Variants in NRXN1 observed in about 807,000 individuals in gnomAD.
The protein encoded by NRXN1 is neurexin-1.
Under a neutral mutation model 150.9 loss-of-function variants are expected in NRXN1, and 39 were observed. That is an observed-to-expected ratio of 0.26 (90% CI 0.20 to 0.34). The LOEUF is 0.34. Among genes scored for constraint, NRXN1 ranks in the 10% least tolerant of loss-of-function variants. The pLI is 1.00. For missense variants in NRXN1, 1,815 were observed against 1,949.9 expected (o/e 0.93, Z 1.30); for synonymous variants, 924 against 757.0 (o/e 1.22, Z -3.62).
At chr2:50,062,886 G>C (rs576366318) in intron 19 of NRXN1, among the ~76,000 whole-genome samples, 2 of 152,182 alleles carry the variant, frequency 1.3e-5, no homozygotes, top group African/African-American at 4.8e-5. Context: ...CCAAACATTT[G>C]TGCAGAATAA....
At chr2:50,607,566 G>C (rs544733310) in intron 8 of NRXN1, among the ~76,000 whole-genome samples, 1 of 152,154 alleles carries the variant, frequency 6.6e-6, no homozygotes, top group South Asian at 2.1e-4. Context: ...GCAAATTGTG[G>C]TAAGGTAAAA....
intron 5 of NRXN1, among the ~76,000 whole-genome samples, chr2:50,753,096 G>A (rs1176212118): frequency 6.6e-6 from 1 of 151,748 alleles, no homozygotes; most frequent in East Asian, 1.9e-4. Context: ...TAATCTTGGT[G>A]TTAATTTACT....
chr2:50,431,060 C>T (rs1315087287), intron 17 of NRXN1, among the ~76,000 whole-genome samples: 2 of 152,180 alleles, frequency 1.3e-5, no homozygotes, highest in African/African-American at 2.4e-5. Flanking sequence ...AACAAAGATG[C>T]CCATGCTTTT....
chr2:50,606,819 A>C (rs949395560), intron 8 of NRXN1, among the ~76,000 whole-genome samples: 7 of 152,166 alleles, frequency 4.6e-5, no homozygotes, highest in African/African-American at 1.4e-4. Context: ...GTAATACTTA[A>C]AGAAAAACTA....
Position 50,623,308 on chromosome 2 carries a change from T to G in NRXN1, c.1134+6A>C. The G allele has an allele frequency of 6.2e-7, 1 of 1,610,626 alleles. No individual in the cohort carries two copies. The highest frequency in any genetic ancestry group is 8.5e-7 in the Non-Finnish European group (1 of 1,177,310). On this transcript the variant is annotated splice_donor_region_variant and intron_variant, in intron 6 of 22. Coordinates refer to ENST00000401669, the MANE Select transcript of NRXN1 (RefSeq NM_001330078.2). The stretch of plus-strand genomic sequence containing the variant: ...CCAGTTACTCTCTTATCCACTGCGC[T>G]GTTACCTGACGCAGATTCCTGGTGA...
At chr2:50,059,470 C>A (rs1165594865) in intron 19 of NRXN1, among the ~76,000 whole-genome samples, 1 of 152,150 alleles carries the variant, frequency 6.6e-6, no homozygotes, top group Non-Finnish European at 1.5e-5. Context: ...AAATTTTCAG[C>A]CTGACAATGC....
In NRXN1 at chr2:50,685,930, G is replaced by A. The variant is rs182614754; in HGVS notation, c.833-62315C>T. Reference sequence around the variant, plus strand: ...TTTTTTCCTACACTCAAGTTTAACCGCATCAAAAATATAGATCTTGCTTCT... The same window carrying A: ...TTTTTTCCTACACTCAAGTTTAACCACATCAAAAATATAGATCTTGCTTCT... On this transcript the variant is annotated intron_variant, in intron 5 of 22. Transcript: ENST00000401669. Among the ~76,000 whole-genome samples the A allele has an allele frequency of 4.8e-3, 734 of 151,972 alleles. 9 individuals carry two copies. Among genetic ancestry groups the A allele is most frequent in the Middle Eastern group, 0.024 (7 of 294 alleles).
chr2:50,031,397 T>G (rs549940190), intron 21 of NRXN1, among the ~76,000 whole-genome samples: 1 of 152,190 alleles, frequency 6.6e-6, no homozygotes, highest in South Asian at 2.1e-4. Flanking sequence ...TCTTGCTTAT[T>G]ACTTATGGGA....
chr2:50,378,292 A>G (rs565508438), intron 17 of NRXN1, among the ~76,000 whole-genome samples: 1 of 152,296 alleles, frequency 6.6e-6, no homozygotes, highest in East Asian at 1.9e-4. Flanking sequence ...TTCATTGACT[A>G]TTCAGATAGT....
intron 14 of NRXN1, among the ~76,000 whole-genome samples, chr2:50,496,902 C>A (rs1189381380): frequency 6.6e-6 from 1 of 152,156 alleles, no homozygotes; most frequent in Admixed American, 6.5e-5. Context: ...CTCTAAGGCA[C>A]TCTGACATAG....
intron 5 of NRXN1, among the ~76,000 whole-genome samples, chr2:50,777,026 T>C (rs1351452298): frequency 6.6e-6 from 1 of 152,122 alleles, no homozygotes; most frequent in Admixed American, 6.5e-5. Context: ...TGCCAGCCAA[T>C]TTTCTCCTAT....
chr2:50,185,260 A>G (rs1013659522), intron 18 of NRXN1, among the ~76,000 whole-genome samples: 1 of 152,018 alleles, frequency 6.6e-6, no homozygotes, highest in Non-Finnish European at 1.5e-5. Flanking sequence ...ATTTTATATC[A>G]CTGACAATTT....
intron 5 of NRXN1, among the ~76,000 whole-genome samples, chr2:50,640,669 C>A (rs1163348899): frequency 1.3e-5 from 2 of 152,276 alleles, no homozygotes; most frequent in South Asian, 2.1e-4. Flanking sequence ...ACTGCCTTTG[C>A]AAAGGAAATA....
intron 5 of NRXN1, among the ~76,000 whole-genome samples, chr2:50,789,478 T>C (rs1236834275): frequency 3.9e-5 from 6 of 152,202 alleles, no homozygotes; most frequent in African/African-American, 1.4e-4. Context: ...TGCTTCATGC[T>C]ATAGTAGGAA....
intron 8 of NRXN1, among the ~76,000 whole-genome samples, chr2:50,586,545 G>A (rs536157277): frequency 6.6e-6 from 1 of 151,314 alleles, no homozygotes; most frequent in East Asian, 1.9e-4. Context: ...GAATGTATTG[G>A]TGCAAGCCTT....
rs547097171 is a variant in NRXN1, at chr2:50,651,967, C to G, written c.833-28352G>C. Among the ~76,000 whole-genome samples, 4 of 152,210 alleles carry G rather than the reference C, an allele frequency of 2.6e-5. No homozygotes were observed. In the South Asian group the frequency reaches 8.3e-4, roughly 32 times the overall value. On this transcript the variant is annotated intron_variant, in intron 5 of 22. Transcript: ENST00000401669. ...GTTATTGTAGGGTCTTAATGAGCTG[C>G]TCTGTGGCCACAGGGCACATACTGC... is the stretch of plus-strand genomic sequence containing the variant.
At chr2:50,515,145 G>A (rs2092590922) in intron 12 of NRXN1, among the ~76,000 whole-genome samples, 1 of 152,122 alleles carries the variant, frequency 6.6e-6, no homozygotes, top group Non-Finnish European at 1.5e-5. Context: ...GATCAGCAGT[G>A]ACAACCGATT....
chr2:50,055,019 C>T lies in NRXN1; in HGVS notation c.3744G>A (p.Ala1248=). The T allele has an allele frequency of 1.2e-6, 2 of 1,600,664 alleles. No homozygotes were observed. Among genetic ancestry groups the T allele is most frequent in the Non-Finnish European group, 1.7e-6 (2 of 1,174,888 alleles). Residue 1248 remains alanine, a synonymous_variant, in exon 20 of 23, where the codon GCG becomes GCA. Coordinates refer to ENST00000401669, the MANE Select transcript of NRXN1 (RefSeq NM_001330078.2). The part of the protein sequence containing the change: ...PAGNNDNERL[A]IARQRIPYRL... The stretch of plus-strand genomic sequence containing the variant: ...GATATGGAATTCGCTGTCTAGCAAT[C>T]GCCAGGCGCTCGTTATCATTGTTTC...
At chr2:50,585,895 G>A (rs943954727) in intron 8 of NRXN1, among the ~76,000 whole-genome samples, 3 of 152,146 alleles carry the variant, frequency 2.0e-5, no homozygotes, top group Admixed American at 1.3e-4. Context: ...CCTAAGAGGG[G>A]TCACTGAGTT....
Sources: gnomAD v4.1 joint callset for allele counts (sites outside exome capture counted in the v4.1 genomes callset) on GRCh38, gnomAD v4.1.1 for gene constraint, MANE v1.5 for transcripts, NCBI Gene and HGNC (gene_info 2026-07-23, HGNC 2026-07-21) for gene names.